Variants in L3MBTL4 observed in about 807,000 individuals in gnomAD.
The protein encoded by L3MBTL4 is lethal(3)malignant brain tumor-like protein 4.
A neutral mutation model predicts 84.5 loss-of-function variants in L3MBTL4; 70 were observed. That is an observed-to-expected ratio of 0.83 (90% confidence interval 0.68 to 1.01). L3MBTL4 has a LOEUF of 1.01. Ranked by LOEUF, L3MBTL4 falls within the 50% of genes least tolerant of loss-of-function variation. The pLI is 0.00. For synonymous variants in L3MBTL4, 274 were observed against 259.8 expected, an observed-to-expected ratio of 1.05 and a Z score of -0.52; for missense variants, 715 against 754.8, an observed-to-expected ratio of 0.95 and a Z score of 0.62.
chr18:6,075,623 A>T (rs1458877557), intron 16 of L3MBTL4, among the ~76,000 whole-genome samples: 1 of 152,170 alleles, frequency 6.6e-6, no homozygotes, highest in Admixed American at 6.5e-5. Context: ...CAAAAACTAT[A>T]AATGGCACAC....
intron 9 of L3MBTL4, among the ~76,000 whole-genome samples, chr18:6,239,043 T>C (rs1461058954): frequency 6.6e-6 from 1 of 152,064 alleles, no homozygotes; most frequent in Non-Finnish European, 1.5e-5. Flanking sequence ...TCTTTCCTTT[T>C]AAAAATGTGA....
intron 16 of L3MBTL4, among the ~76,000 whole-genome samples, chr18:5,976,395 T>G (rs1223340123): frequency 6.6e-6 from 1 of 152,234 alleles, no homozygotes; most frequent in African/African-American, 2.4e-5. Context: ...ATTCTGCTTC[T>G]GCTGGGATGG....
At chr18:6,226,359 T>C (rs937124210) in intron 10 of L3MBTL4, among the ~76,000 whole-genome samples, 2 of 152,124 alleles carry the variant, frequency 1.3e-5, no homozygotes, top group Non-Finnish European at 2.9e-5. Flanking sequence ...TGAGCCTAGA[T>C]CGCACCATTG....
At chr18:6,252,921 G>C (rs949503765) in intron 5 of L3MBTL4, among the ~76,000 whole-genome samples, 2 of 152,056 alleles carry the variant, frequency 1.3e-5, no homozygotes, top group African/African-American at 4.8e-5. Flanking sequence ...AAACCCCCTG[G>C]GGCCGGGTGC....
chr18:6,063,666 T>A lies in L3MBTL4; in HGVS notation c.1444+17215A>T, dbSNP rs535221736. Among the ~76,000 whole-genome samples the A allele has an allele frequency of 2.6e-5, 4 of 152,248 alleles. No homozygotes were observed. In the South Asian group the frequency reaches 8.3e-4, roughly 32 times the overall value. On this transcript the variant is annotated intron_variant, in intron 16 of 18. Transcript: ENST00000317931. ...TTTGTATGTCTTCTTTTGAGAAATG[T>A]CTATTCATGTCCTTTGCCCACTTTT...
At chr18:6,149,857 TTCTC>T (rs1325607016) in intron 13 of L3MBTL4, among the ~76,000 whole-genome samples, 1 of 152,102 alleles carries the variant, frequency 6.6e-6, no homozygotes, top group Admixed American at 6.6e-5. Flanking sequence ...CCTTCTCTCT[TTCTC>T]TCTCTCATTC....
chr18:5,955,119 T>G lies in L3MBTL4; in HGVS notation c.*1101A>C, dbSNP rs149929782. ...TACTACCTGTAAAAGTAGTAAGAAG[T>G]GTCAGAAAAGAGGTACTTGTCTTTC... On this transcript the variant is annotated 3_prime_UTR_variant, in exon 19 of 19. Transcript: ENST00000317931. 6.6e-6 allele frequency: 1 copy of G among 152,306 alleles called. No individual in the cohort carries two copies. Among genetic ancestry groups the G allele is most frequent in the Non-Finnish European group, 1.5e-5 (1 of 68,028 alleles). The allele number at this position is 152,306 out of a possible 1,614,324, so 9.4% of individuals were successfully genotyped here. A position where few individuals can be genotyped will look rare whatever the true frequency, so the allele number is the denominator to read the frequency against.
chr18:6,164,614 A>G (rs1034355984), intron 13 of L3MBTL4, among the ~76,000 whole-genome samples: 2 of 152,238 alleles, frequency 1.3e-5, no homozygotes, highest in Non-Finnish European at 2.9e-5. Context: ...CTTGCAGCTG[A>G]GGGTCCTGAC....
At chr18:6,091,708 C>A (rs965175630) in intron 15 of L3MBTL4, among the ~76,000 whole-genome samples, 3 of 152,124 alleles carry the variant, frequency 2.0e-5, no homozygotes, top group African/African-American at 2.4e-5. Context: ...GCTTAGCTAA[C>A]CTCTGAGAGC....
chr18:6,225,832 T>TA (rs944919094), intron 10 of L3MBTL4, among the ~76,000 whole-genome samples: 28 of 146,770 alleles, frequency 1.9e-4, no homozygotes, highest in African/African-American at 4.2e-4. Context: ...AGTGACACCT[T>TA]AAAAAAAAAA....
At chr18:6,365,622 A>G (rs540946535) in intron 1 of L3MBTL4, among the ~76,000 whole-genome samples, 1 of 152,344 alleles carries the variant, frequency 6.6e-6, no homozygotes, top group South Asian at 2.1e-4. Context: ...AAGAAAAACA[A>G]TACCCACAGA....
chr18:6,139,469 G>C (rs2060129992), intron 13 of L3MBTL4, among the ~76,000 whole-genome samples: 1 of 151,734 alleles, frequency 6.6e-6, no homozygotes, highest in Admixed American at 6.6e-5. Context: ...ATCTTCCTCA[G>C]TATTCTCCGC....
intron 12 of L3MBTL4, among the ~76,000 whole-genome samples, chr18:6,211,951 C>A (rs1269114719): frequency 6.6e-6 from 1 of 152,062 alleles, no homozygotes; most frequent in Non-Finnish European, 1.5e-5. Context: ...GCCCGGCCTA[C>A]TTTTAAAATG....
intron 18 of L3MBTL4, among the ~76,000 whole-genome samples, chr18:5,956,931 AAAC>A (rs1384841553): frequency 3.5e-4 from 53 of 152,320 alleles, no homozygotes; most frequent in Non-Finnish European, 1.2e-4. Flanking sequence ...ATAGATCAGT[AAAC>A]AACAGAACAT....
chr18:6,047,632 C>A (rs1342604068), intron 16 of L3MBTL4, among the ~76,000 whole-genome samples: 1 of 152,080 alleles, frequency 6.6e-6, no homozygotes, highest in African/African-American at 2.4e-5. Flanking sequence ...ACAGCATAAA[C>A]AGAATTAAAA....
At chr18:6,393,077 TAAAAA>T (rs11293076) in intron 1 of L3MBTL4, among the ~76,000 whole-genome samples, 2 of 151,022 alleles carry the variant, frequency 1.3e-5, no homozygotes, top group African/African-American at 4.9e-5. Flanking sequence ...GTGATTGAAA[TAAAAA>T]AAAAAATTTT....
chr18:6,368,813 G>A (rs565337029), intron 1 of L3MBTL4, among the ~76,000 whole-genome samples: 58 of 152,168 alleles, frequency 3.8e-4, no homozygotes, highest in Non-Finnish European at 4.0e-4. Context: ...AGGCCGAGGC[G>A]GGCAGATCAC....
At chr18:6,367,079 AG>A (rs1486665039) in intron 1 of L3MBTL4, among the ~76,000 whole-genome samples, 2 of 152,232 alleles carry the variant, frequency 1.3e-5, no homozygotes, top group Non-Finnish European at 2.9e-5. Context: ...GCAGGAGCTA[AG>A]AGGATCCCAA....
intron 16 of L3MBTL4, among the ~76,000 whole-genome samples, chr18:5,970,559 C>T (rs1207946041): frequency 6.6e-6 from 1 of 152,162 alleles, no homozygotes. Flanking sequence ...TTTATAAGGA[C>T]ATCTTTTAAG....
Sources: allele counts gnomAD v4.1 joint callset (sites outside exome capture counted in the v4.1 genomes callset), GRCh38; gene constraint gnomAD v4.1.1; transcripts MANE v1.5; gene names NCBI Gene and HGNC (gene_info 2026-07-23, HGNC 2026-07-21).